The following UBQLN1 variants were observed in gnomAD, a reference collection of about 807,000 sequenced individuals.
The protein encoded by UBQLN1 is ubiquilin 1, also known as ubiquilin-1.
In UBQLN1, 13 loss-of-function variants were observed where a neutral mutation model predicts 65.4. That is an observed-to-expected ratio of 0.20 (90% confidence interval 0.13 to 0.32). The LOEUF (loss-of-function observed/expected upper bound fraction) is 0.32. Among genes scored for constraint, UBQLN1 ranks in the 10% least tolerant of loss-of-function variants. The pLI is 1.00. For missense variants in UBQLN1, 561 were observed against 724.0 expected (o/e 0.77, Z 2.58); for synonymous variants, 267 against 247.8 (o/e 1.08, Z -0.73).
At position 83,666,368 on chromosome 9, in the gene UBQLN1, G is replaced by C. The variant is rs764025915; in HGVS notation, c.1314C>G (p.Leu438=). The C allele has an allele frequency of 4.3e-6, 7 of 1,613,756 alleles. No homozygotes were observed. In the South Asian group the frequency reaches 7.7e-5, roughly 18 times the overall value. ...TACTCACTTGTTGGAGGAAAGTTGG[G>C]AGCTGTTGTCTCATTTGTTCTTGAA... ...PQLQEQMRQQ[L]PTFLQQMQNP... The change falls in exon 8 of 11, where the codon CTC becomes CTG. Residue 438 remains leucine (L), a synonymous_variant. Transcript: ENST00000376395.
chr9:83,707,278 G>T (rs1294738108), intron 1 of UBQLN1, among the ~76,000 whole-genome samples: 3 of 152,152 alleles, frequency 2.0e-5, no homozygotes, highest in Non-Finnish European at 2.9e-5. Flanking sequence ...GAGAAAAGCG[G>T]CATCAGCCCG....
intron 7 of UBQLN1, chr9:83,667,107 G>T (rs1328142414): frequency 6.6e-6 from 1 of 152,142 alleles, no homozygotes; most frequent in African/African-American, 2.4e-5. Context: ...TTAGCATCTG[G>T]ATTTCACCTC....
intron 6 of UBQLN1, among the ~76,000 whole-genome samples, chr9:83,676,079 C>T (rs1350218045): frequency 6.6e-6 from 1 of 152,142 alleles, no homozygotes; most frequent in African/African-American, 2.4e-5. Context: ...TCTAACACTT[C>T]CTTACATTCT....
chr9:83,665,925 C>T (rs1831636538), intron 8 of UBQLN1, among the ~76,000 whole-genome samples: 1 of 152,000 alleles, frequency 6.6e-6, no homozygotes, highest in African/African-American at 2.4e-5. Context: ...GAGATCTACC[C>T]CTTGGGGAAA....
Position 83,664,012 on chromosome 9 carries a change from T to C in UBQLN1, c.1480A>G (p.Thr494Ala). 1.2e-6 allele frequency: 2 copies of C among 1,614,106 alleles called. No individual in the cohort carries two copies. The highest frequency in any genetic ancestry group is 1.7e-6 in the Non-Finnish European group (2 of 1,179,958). The change falls in exon 10 of 11, where the codon ACT (threonine) becomes GCT (alanine). Residue 494 changes from threonine to alanine, a missense_variant. Around this residue, in one of 8 missense-constraint regions of UBQLN1, gnomAD observed 68 missense variants for 62.2 expected, o/e 1.09. Transcript: ENST00000376395. ...FTPGLGALGS[T>A]GGSSGTNGSN... ...CCATTAGTTCCCGAAGAGCCTCCAG[T>C]GCTTCCTAATGCCCCCAAGCCAGGA... is the stretch of plus-strand genomic sequence containing the variant.
chr9:83,664,941 A>AT, intron 9 of UBQLN1, 89 bp downstream of exon 9: 1 of 833,484 alleles, frequency 1.2e-6, no homozygotes, highest in Non-Finnish European at 1.7e-6. Flanking sequence ...AAAAAAAAAA[A>AT]AAAAAGGCAG....
Position 83,707,681 on chromosome 9 carries a change from G to A in UBQLN1, c.-2C>T. The A allele has an allele frequency of 6.5e-7, 1 of 1,536,150 alleles. No individual in the cohort carries two copies. Among genetic ancestry groups the A allele is most frequent in the South Asian group, 1.2e-5 (1 of 84,224 alleles). On this transcript the variant is annotated 5_prime_UTR_variant, in exon 1 of 11. Coordinates refer to ENST00000376395, the MANE Select transcript of UBQLN1 (RefSeq NM_013438.5). ...GCCGCTTTCACCACTCTCGGCCATGGCTGTGGCGGCGGCGGCGGCGGTGAC... is the reference window on the plus strand; with the variant it reads ...GCCGCTTTCACCACTCTCGGCCATGACTGTGGCGGCGGCGGCGGCGGTGAC...
chr9:83,677,764 C>A lies in UBQLN1; in HGVS notation c.1068G>T (p.Gln356His). The change falls in exon 6 of 11, where the codon CAG becomes CAT. Residue 356 changes from glutamine to histidine, a missense_variant. This residue lies in a region of UBQLN1 where 89 missense variants were observed against 77.8 expected (regional missense o/e 1.14). Coordinates refer to ENST00000376395, the MANE Select transcript of UBQLN1 (RefSeq NM_013438.5). ...TGSTASGTSG[Q>H]STTAPNLVPG... is the part of the protein sequence containing the mutation. ...GCACCAAATTTGGCGCAGTAGTACT[C>A]TGCCCAGAAGTGCCACTGGCAGTAC... 2 of 1,614,054 alleles carry A rather than the reference C, an allele frequency of 1.2e-6. No individual in the cohort carries two copies. Among genetic ancestry groups the A allele is most frequent in the Non-Finnish European group, 1.7e-6 (2 of 1,179,996 alleles).
Position 83,707,887 on chromosome 9 carries a change from C to A in UBQLN1, c.-208G>T. The A allele has an allele frequency of 1.6e-6, 1 of 636,202 alleles. No homozygotes were observed. Among genetic ancestry groups the A allele is most frequent in the Non-Finnish European group, 2.5e-6 (1 of 405,906 alleles). The allele number at this position is 636,202 out of a possible 1,614,324, so 39.4% of individuals were successfully genotyped here. On this transcript the variant is annotated 5_prime_UTR_variant, in exon 1 of 11. Transcript: ENST00000376395. ...CTGGCGCAGGCCCGGGTCAGGCGCT[C>A]GGCAGCCGCCGTGTGTTCAGGCGCC...
At chr9:83,691,359 C>A (rs1832126178) in intron 1 of UBQLN1, among the ~76,000 whole-genome samples, 2 of 152,126 alleles carry the variant, frequency 1.3e-5, no homozygotes, top group South Asian at 4.1e-4. Context: ...TCGTATGTGG[C>A]AGAGACAATT....
In UBQLN1 at chr9:83,666,402, T is replaced by C. The variant is rs1831643844; in HGVS notation, c.1280A>G (p.Asn427Ser). The change falls in exon 8 of 11, where the codon AAT becomes AGT. Residue 427 changes from asparagine (N) to serine (S), a missense_variant. Physicochemically the swap from Asn to Ser is conservative, Grantham distance 46. Transcript: ENST00000376395. ...TCTCATTTGTTCTTGAAGCTGAGGA[T>C]TTCCAGCAAATAGGGGATTATTCAG... ...MMLNNPLFAG[N>S]PQLQEQMRQQ... 2 of 1,613,830 alleles carry C rather than the reference T, an allele frequency of 1.2e-6. No homozygotes were observed. The highest frequency in any genetic ancestry group is 1.7e-4 in the Middle Eastern group (1 of 6,058).
Position 83,679,993 on chromosome 9 carries a change from T to C in UBQLN1, c.493A>G (p.Thr165Ala). The C allele has an allele frequency of 6.2e-7, 1 of 1,614,080 alleles. No individual in the cohort carries two copies. Among genetic ancestry groups the C allele is most frequent in the Non-Finnish European group, 8.5e-7 (1 of 1,180,008 alleles). Residue 165 changes from threonine to alanine, a missense_variant, in exon 4 of 11, where the codon ACT becomes GCT. By Grantham distance (58) the Thr-to-Ala change is moderately conservative. Around this residue, in one of 8 missense-constraint regions of UBQLN1, gnomAD observed 87 missense variants for 88.8 expected, o/e 0.98. Transcript: ENST00000376395. ...CTCTGTAGTTCAGAGAAGTTGGTAG[T>C]ATTCAAACCCAAGCTACTCAGACCT... ...LAGLSSLGLN[T>A]TNFSELQSQM...
In UBQLN1 at chr9:83,686,172, T is replaced by G; in HGVS notation, c.181-17A>C. The G allele has an allele frequency of 1.1e-5, 16 of 1,489,604 alleles. No individual in the cohort carries two copies. The highest frequency in any genetic ancestry group is 1.4e-5 in the Non-Finnish European group (16 of 1,104,062). 92.3% of individuals were successfully genotyped at this position (1,489,604 alleles called of 1,614,324 possible). A position where few individuals can be genotyped will look rare whatever the true frequency, so the allele number is the denominator to read the frequency against. On this transcript the variant is annotated splice_polypyrimidine_tract_variant and intron_variant, in intron 1 of 10. Transcript: ENST00000376395. ...TTCCTTAAACTAAATAAAAATAAAA[T>G]AAGTATGTATTACAGTTGTTTGCAC... is the stretch of plus-strand genomic sequence containing the variant.
intron 1 of UBQLN1, among the ~76,000 whole-genome samples, chr9:83,690,231 T>C (rs982533073): frequency 1.3e-5 from 2 of 152,228 alleles, no homozygotes; most frequent in African/African-American, 4.8e-5. Flanking sequence ...AACTATAGTA[T>C]AGTCATTTGA....
chr9:83,694,734 A>T (rs1394675092), intron 1 of UBQLN1, among the ~76,000 whole-genome samples: 2 of 152,058 alleles, frequency 1.3e-5, no homozygotes, highest in Non-Finnish European at 2.9e-5. Context: ...CCGGTGAACA[A>T]AAGGCTGTGG....
At position 83,660,566 on chromosome 9, in the gene UBQLN1, G is replaced by A. The variant is rs910273587; in HGVS notation, c.*1221C>T. 3 of 152,286 alleles carry A rather than the reference G, an allele frequency of 2.0e-5. No individual in the cohort carries two copies. The highest frequency in any genetic ancestry group is 2.9e-5 in the Non-Finnish European group (2 of 68,038). 9.4% of individuals were successfully genotyped at this position (152,286 alleles called of 1,614,324 possible). On this transcript the variant is annotated 3_prime_UTR_variant, in exon 11 of 11. Coordinates refer to ENST00000376395, the MANE Select transcript of UBQLN1 (RefSeq NM_013438.5). Reference sequence around the variant, plus strand: ...GGCTCTTTGTTTTTCACCCCTGAATGATACTTCTTTACTACACTATATGCA... The same window carrying A: ...GGCTCTTTGTTTTTCACCCCTGAATAATACTTCTTTACTACACTATATGCA...
chr9:83,671,085 C>T (rs1280972379), intron 6 of UBQLN1, among the ~76,000 whole-genome samples: 1 of 152,130 alleles, frequency 6.6e-6, no homozygotes, highest in African/African-American at 2.4e-5. Flanking sequence ...CCTGCCCGAA[C>T]CTTCCAAAGT....
intron 4 of UBQLN1, 27 bp from the exon 5 acceptor site, chr9:83,678,626 A>G (rs775198888): frequency 6.3e-7 from 1 of 1,584,140 alleles, no homozygotes; most frequent in South Asian, 1.2e-5. Context: ...CAAAAAAAGA[A>G]AAAAAAAAGG....
At chr9:83,672,595 A>C (rs886333667) in intron 6 of UBQLN1, among the ~76,000 whole-genome samples, 1 of 152,234 alleles carries the variant, frequency 6.6e-6, no homozygotes, top group African/African-American at 2.4e-5. Context: ...TTTGCCAGGT[A>C]CAAGGTGGTT....
Sources: allele counts gnomAD v4.1 joint callset (sites outside exome capture counted in the v4.1 genomes callset), GRCh38; gene constraint gnomAD v4.1.1; regional missense constraint gnomAD v4.1.1; transcripts MANE v1.5; gene names NCBI Gene and HGNC (gene_info 2026-07-23, HGNC 2026-07-21).